The following INTS4 variants were observed in gnomAD, a reference collection of about 807,000 sequenced individuals.
INTS4 encodes integrator complex subunit 4, also known as MSTP093.
In INTS4, 70 loss-of-function variants were observed where a neutral mutation model predicts 119.5. That is an observed-to-expected ratio of 0.59 (90% CI 0.48 to 0.71). The LOEUF (loss-of-function observed/expected upper bound fraction) is 0.71, where lower values mean the gene tolerates loss of function less well. Among genes scored for constraint, INTS4 ranks in the 30% least tolerant of loss-of-function variants. The pLI is 0.00. For synonymous variants in INTS4, 316 were observed against 419.6 expected (o/e 0.75, Z 3.02); for missense variants, 867 against 1,173.2 (o/e 0.74, Z 3.81).
intron 8 of INTS4, 33 bp downstream of exon 8, chr11:77,955,909 T>A: frequency 1.9e-6 from 3 of 1,558,654 alleles, no homozygotes; most frequent in Non-Finnish European, 2.6e-6. Flanking sequence ...AATATATACA[T>A]GCATACATAC....
intron 10 of INTS4, among the ~76,000 whole-genome samples, chr11:77,934,655 G>T (rs981158422): frequency 6.6e-6 from 1 of 152,046 alleles, no homozygotes. Flanking sequence ...TTGTAGAAAC[G>T]AAACAAAGCA....
At chr11:77,941,714 C>T (rs1408960964) in intron 8 of INTS4, among the ~76,000 whole-genome samples, 1 of 152,122 alleles carries the variant, frequency 6.6e-6, no homozygotes, top group African/African-American at 2.4e-5. Flanking sequence ...CCACGTTGGG[C>T]AGGCTAGTCT....
At chr11:77,952,561 G>A (rs1414052857) in intron 8 of INTS4, among the ~76,000 whole-genome samples, 2 of 152,076 alleles carry the variant, frequency 1.3e-5, no homozygotes, top group Non-Finnish European at 2.9e-5. Context: ...AGTAGGCCAG[G>A]AACTCTATAC....
intron 7 of INTS4, 65 bp from the exon 8 acceptor site, chr11:77,956,127 G>A: frequency 6.5e-7 from 1 of 1,533,780 alleles, no homozygotes; most frequent in Non-Finnish European, 8.7e-7. Context: ...TGCAGGCTCA[G>A]GCCAGGCACA....
intron 2 of INTS4, among the ~76,000 whole-genome samples, chr11:77,986,731 A>G (rs1395030663): frequency 6.6e-6 from 1 of 152,066 alleles, no homozygotes; most frequent in Non-Finnish European, 1.5e-5. Flanking sequence ...GCAAACTATC[A>G]CAAGGACAGA....
chr11:77,986,977 A>G (rs890024801), intron 2 of INTS4: 1 of 152,206 alleles, frequency 6.6e-6, no homozygotes, highest in Non-Finnish European at 1.5e-5. Flanking sequence ...CCTAGAACCT[A>G]AAGTATAATA....
intron 15 of INTS4, among the ~76,000 whole-genome samples, chr11:77,913,330 G>A (rs1428315144): frequency 1.2e-4 from 4 of 33,184 alleles, no homozygotes; most frequent in Admixed American, 3.1e-4. Flanking sequence ...TTTTTTTTTT[G>A]AGATGGAGTC....
At chr11:77,956,621 C>T (rs561609046) in intron 7 of INTS4, among the ~76,000 whole-genome samples, 2 of 151,702 alleles carry the variant, frequency 1.3e-5, no homozygotes, top group Non-Finnish European at 2.9e-5. Flanking sequence ...GCAGGAGAAT[C>T]GCTTGAACCT....
At chr11:77,884,254 T>C (rs1951903305) in intron 21 of INTS4, among the ~76,000 whole-genome samples, 1 of 152,190 alleles carries the variant, frequency 6.6e-6, no homozygotes, top group Admixed American at 6.5e-5. Flanking sequence ...CTCAGGCACC[T>C]TCACCAGAAG....
At chr11:77,909,529 T>A (rs1953041293) in intron 15 of INTS4, among the ~76,000 whole-genome samples, 1 of 152,226 alleles carries the variant, frequency 6.6e-6, no homozygotes, top group Non-Finnish European at 1.5e-5. Flanking sequence ...ATCTCATTCA[T>A]GACCTAATCA....
At chr11:77,931,757 A>G (rs1172945128) in intron 10 of INTS4, among the ~76,000 whole-genome samples, 1 of 152,180 alleles carries the variant, frequency 6.6e-6, no homozygotes, top group Non-Finnish European at 1.5e-5. Flanking sequence ...GACCAATGGA[A>G]CAGAATAGAG....
intron 15 of INTS4, among the ~76,000 whole-genome samples, chr11:77,912,112 A>G (rs1453633153): frequency 6.6e-6 from 1 of 152,160 alleles, no homozygotes; most frequent in Admixed American, 6.6e-5. Context: ...CTGTAATCCT[A>G]GCACTTTAGG....
chr11:77,878,173 T>C (rs144028816), downstream of INTS4, among the ~76,000 whole-genome samples: 2,895 of 152,020 alleles, frequency 0.019, 96 homozygotes, highest in African/African-American at 0.065. Flanking sequence ...CCATCCTGGC[T>C]AACATGGTGA....
At chr11:77,977,895 G>GA (rs1565286933) in intron 4 of INTS4, 2 of 143,246 alleles carry the variant, frequency 1.4e-5, no homozygotes, top group African/African-American at 5.1e-5. Context: ...TTGTTTTTTT[G>GA]TTTTTTTTTT....
At chr11:77,949,117 A>G (rs1968666) in intron 8 of INTS4, among the ~76,000 whole-genome samples, 19,911 of 152,188 alleles carry the variant, frequency 0.13, 1,493 homozygotes, top group East Asian at 0.25. Context: ...ACCCTGACTT[A>G]AAGAAGAAAA....
intron 21 of INTS4, 68 bp downstream of exon 21, chr11:77,891,251 G>T: frequency 1.4e-6 from 2 of 1,476,114 alleles, no homozygotes; most frequent in South Asian, 2.4e-5. Context: ...GACTACAGGG[G>T]TGCTAACATT....
chr11:77,993,236 G>T (rs7127210), intron 1 of INTS4, among the ~76,000 whole-genome samples: 52,914 of 152,012 alleles, frequency 0.35, 9,499 homozygotes, highest in African/African-American at 0.39. Flanking sequence ...CACCGGTAAT[G>T]ACAGCAGCAC....
intron 15 of INTS4, among the ~76,000 whole-genome samples, chr11:77,910,559 T>C (rs1217821126): frequency 6.6e-6 from 1 of 152,010 alleles, no homozygotes; most frequent in East Asian, 1.9e-4. Context: ...AACCTGCACA[T>C]TGTGCACATG....
intron 10 of INTS4, among the ~76,000 whole-genome samples, chr11:77,932,127 G>T (rs1346273315): frequency 6.6e-6 from 1 of 152,266 alleles, no homozygotes; most frequent in Admixed American, 6.5e-5. Flanking sequence ...CACAGCAAAA[G>T]AAACTATCAT....
Sources: allele counts gnomAD v4.1 joint callset (sites outside exome capture counted in the v4.1 genomes callset), GRCh38; gene constraint gnomAD v4.1.1; transcripts MANE v1.5; gene names NCBI Gene and HGNC (gene_info 2026-07-23, HGNC 2026-07-21).